The following GABRB1 variants were observed in gnomAD, a reference collection of about 807,000 sequenced individuals.
GABRB1 encodes gamma-aminobutyric acid receptor subunit beta-1.
GABRB1 carries 17 observed loss-of-function variants against 51.6 expected under a neutral mutation model. The ratio of observed to expected loss-of-function variants is 0.33; its 90% confidence interval spans 0.23 to 0.49. The LOEUF (loss-of-function observed/expected upper bound fraction) is 0.49. Ranked by LOEUF, GABRB1 falls within the 20% of genes least tolerant of loss-of-function variation. GABRB1 has a pLI of 0.99. For synonymous variants in GABRB1, 247 were observed against 218.9 expected (o/e 1.13, Z -1.14); for missense variants, 410 against 600.6 (o/e 0.68, Z 3.32).
intron 4 of GABRB1, among the ~76,000 whole-genome samples, chr4:47,227,306 A>G (rs1321920639): frequency 6.6e-6 from 1 of 152,188 alleles, no homozygotes; most frequent in African/African-American, 2.4e-5. Context: ...GCTGGTAAGG[A>G]TACCAATAAC....
intron 5 of GABRB1, among the ~76,000 whole-genome samples, chr4:47,327,881 G>A (rs1265474985): frequency 2.6e-5 from 4 of 152,112 alleles, no homozygotes; most frequent in Non-Finnish European, 4.4e-5. Context: ...CTGAGGAATC[G>A]CCACACTGAC....
At chr4:47,413,677 G>T (rs190447851) in intron 8 of GABRB1, among the ~76,000 whole-genome samples, 2 of 152,276 alleles carry the variant, frequency 1.3e-5, no homozygotes, top group East Asian at 3.9e-4. Context: ...GTTCACTGGA[G>T]CATAGAGTGG....
chr4:47,338,978 C>G (rs1725792617), intron 5 of GABRB1, among the ~76,000 whole-genome samples: 2 of 152,234 alleles, frequency 1.3e-5, no homozygotes, highest in South Asian at 2.1e-4. Context: ...GGGAATCAAA[C>G]AGAATGCTAA....
At chr4:47,215,061 G>A (rs972533234) in intron 4 of GABRB1, among the ~76,000 whole-genome samples, 1 of 152,060 alleles carries the variant, frequency 6.6e-6, no homozygotes, top group East Asian at 1.9e-4. Context: ...CATGGGATAT[G>A]TACTGCTCAA....
intron 4 of GABRB1, among the ~76,000 whole-genome samples, chr4:47,249,854 T>C (rs946469245): frequency 6.6e-6 from 1 of 152,184 alleles, no homozygotes; most frequent in East Asian, 1.9e-4. Context: ...AGGCAGCAGA[T>C]AGTAGATTGG....
chr4:47,182,245 G>A (rs1718982484), intron 4 of GABRB1, among the ~76,000 whole-genome samples: 1 of 151,946 alleles, frequency 6.6e-6, no homozygotes, highest in South Asian at 2.1e-4. Context: ...TATTTTGGGG[G>A]AAGTGAAAAC....
chr4:47,012,938 A>G (rs964809683), intron 1 of GABRB1, among the ~76,000 whole-genome samples: 2 of 152,244 alleles, frequency 1.3e-5, no homozygotes, highest in African/African-American at 2.4e-5. Flanking sequence ...GGTATTCCAC[A>G]ACAGATTCTG....
chr4:47,218,712 C>T lies in GABRB1; in HGVS notation c.461+57243C>T, dbSNP rs371570533. Reference sequence around the variant, plus strand: ...CTTTGAAAGGAAGGAGTGGCTATTCCTTATTCATTTTTGAATCTCTCTTTT... The same window carrying T: ...CTTTGAAAGGAAGGAGTGGCTATTCTTTATTCATTTTTGAATCTCTCTTTT... On this transcript the variant is annotated intron_variant, in intron 4 of 8. Coordinates refer to ENST00000295454, the MANE Select transcript of GABRB1 (RefSeq NM_000812.4). 3.2e-4 allele frequency among the ~76,000 whole-genome samples: 49 copies of T among 151,830 alleles called. 1 individual carries two copies. In the South Asian group the frequency reaches 7.1e-3, roughly 22 times the overall value.
At chr4:47,214,370 G>A (rs1439980139) in intron 4 of GABRB1, among the ~76,000 whole-genome samples, 1 of 152,100 alleles carries the variant, frequency 6.6e-6, no homozygotes, top group Non-Finnish European at 1.5e-5. Flanking sequence ...TCCAGAGTGG[G>A]CTTTGTAGCT....
intron 4 of GABRB1, among the ~76,000 whole-genome samples, chr4:47,296,134 G>A (rs1455894771): frequency 1.3e-5 from 2 of 152,164 alleles, no homozygotes; most frequent in African/African-American, 4.8e-5. Context: ...GGAAAAACCA[G>A]TACCGGCCAC....
chr4:47,076,409 C>T (rs1727550790), intron 3 of GABRB1, among the ~76,000 whole-genome samples: 2 of 152,154 alleles, frequency 1.3e-5, no homozygotes, highest in Admixed American at 1.3e-4. Context: ...ATACAGAATG[C>T]TGACTGCTCC....
intron 4 of GABRB1, among the ~76,000 whole-genome samples, chr4:47,258,066 A>C (rs1196992193): frequency 6.6e-6 from 1 of 152,220 alleles, no homozygotes; most frequent in African/African-American, 2.4e-5. Flanking sequence ...GTTGAGAAGC[A>C]GCATTCTAGA....
At chr4:47,142,544 C>T (rs774918304) in intron 3 of GABRB1, among the ~76,000 whole-genome samples, 3 of 151,918 alleles carry the variant, frequency 2.0e-5, no homozygotes, top group Non-Finnish European at 4.4e-5. Flanking sequence ...TTATCAGATT[C>T]TTGTTTTATA....
intron 4 of GABRB1, among the ~76,000 whole-genome samples, chr4:47,279,948 A>T (rs1299010773): frequency 6.6e-6 from 1 of 151,356 alleles, no homozygotes; most frequent in African/African-American, 2.4e-5. Flanking sequence ...CCATTCAGTC[A>T]CTTGATGTCT....
At chr4:47,288,833 G>A (rs1723615099) in intron 4 of GABRB1, among the ~76,000 whole-genome samples, 1 of 152,196 alleles carries the variant, frequency 6.6e-6, no homozygotes, top group Non-Finnish European at 1.5e-5. Context: ...AACGTCAACA[G>A]CTGATGGAGC....
chr4:47,123,664 A>G (rs1338599391), intron 3 of GABRB1, among the ~76,000 whole-genome samples: 1 of 78,946 alleles, frequency 1.3e-5, no homozygotes, highest in Non-Finnish European at 2.2e-5. Flanking sequence ...ATATAAATAT[A>G]TATGATATGA....
chr4:47,250,460 A>G (rs1447896300), intron 4 of GABRB1, among the ~76,000 whole-genome samples: 18 of 152,168 alleles, frequency 1.2e-4, no homozygotes, highest in Admixed American at 1.0e-3. Context: ...TGAATTTCCC[A>G]GGTGTTCTTT....
At chr4:47,304,794 A>C (rs1724386117) in intron 4 of GABRB1, among the ~76,000 whole-genome samples, 1 of 152,082 alleles carries the variant, frequency 6.6e-6, no homozygotes, top group Admixed American at 6.6e-5. Flanking sequence ...GGAGCTACTA[A>C]AATCTGCCAG....
chr4:47,385,414 G>A (rs1727757204), intron 5 of GABRB1, among the ~76,000 whole-genome samples: 1 of 152,206 alleles, frequency 6.6e-6, no homozygotes, highest in African/African-American at 2.4e-5. Context: ...ATTATTTTAA[G>A]AAGGGAGGTG....
Sources: gnomAD v4.1 joint callset for allele counts (sites outside exome capture counted in the v4.1 genomes callset) on GRCh38, gnomAD v4.1.1 for gene constraint, MANE v1.5 for transcripts, NCBI Gene and HGNC (gene_info 2026-07-23, HGNC 2026-07-21) for gene names.